Variants in CCDC154 observed in about 807,000 individuals in gnomAD.
CCDC154 encodes the protein coiled-coil domain containing 154, also known as coiled-coil domain-containing protein 154.
Under a neutral mutation model 87.5 loss-of-function variants are expected in CCDC154, and 91 were observed. That is an observed-to-expected ratio of 1.04 (90% CI 0.88 to 1.24). The LOEUF (loss-of-function observed/expected upper bound fraction) is 1.24, where lower values mean the gene tolerates loss of function less well. Ranked by LOEUF, CCDC154 falls within the 50% of genes most tolerant of loss-of-function variation. CCDC154 has a pLI of 0.00. For missense variants in CCDC154, 903 were observed against 879.2 expected, an observed-to-expected ratio of 1.03 and a Z score of -0.34; for synonymous variants, 418 against 400.4, an observed-to-expected ratio of 1.04 and a Z score of -0.52.
At chr16:1,438,463 G>A (rs981319810) in intron 9 of CCDC154, 156 bp downstream of exon 9, 7 of 769,276 alleles carry the variant, frequency 9.1e-6, no homozygotes, top group Non-Finnish European at 1.5e-5. Context: ...CAGGAGGGAG[G>A]AGGGTTCGCA....
At chr16:1,436,175 C>T (rs2038500105) in intron 13 of CCDC154, 89 bp from the exon 14 acceptor site, 8 of 1,164,634 alleles carry the variant, frequency 6.9e-6, no homozygotes, top group Non-Finnish European at 9.8e-6. Flanking sequence ...ACAGCCACCA[C>T]AGGGTTAAGG....
chr16:1,436,777 G>A lies in CCDC154; in HGVS notation c.1325C>T (p.Ser442Phe), dbSNP rs1567257170. Residue 442 changes from serine to phenylalanine, a missense_variant, in exon 12 of 17, where the codon TCC becomes TTC. Coordinates refer to ENST00000389176, the MANE Select transcript of CCDC154 (RefSeq NM_001143980.3). ...KTEWEGAERK[S>F]LEDLARWRKE... Reference sequence around the variant, plus strand: ...CCGCCACCTGGCCAGGTCCTCCAGGGACTTCCTCTCTGCACCTTCCCATTC... The same window carrying A: ...CCGCCACCTGGCCAGGTCCTCCAGGAACTTCCTCTCTGCACCTTCCCATTC... The A allele has an allele frequency of 2.6e-6, 4 of 1,550,576 alleles. No individual in the cohort carries two copies. The highest frequency in any genetic ancestry group is 2.0e-5 in the Admixed American group (1 of 51,004).
Position 1,435,172 on chromosome 16 carries a change from G to T in CCDC154, c.1609C>A (p.Gln537Lys), listed in dbSNP as rs1406017741. 1 of 1,550,518 alleles carries T rather than the reference G, an allele frequency of 6.4e-7. No homozygotes were observed. Among genetic ancestry groups the T allele is most frequent in the African/African-American group, 1.4e-5 (1 of 73,178 alleles). Reference protein sequence around the residue: ...AEMQGKLATFQNQIMKLENCV... With the variant: ...AEMQGKLATFKNQIMKLENCV... ...TTTTCCAGCTTCATTATTTGGTTCT[G>T]AAACTAAACATGGCCCCCATTTGGG... The change falls in exon 15 of 17, where the codon CAG becomes AAG. Residue 537 changes from glutamine (Q) to lysine (K), a missense_variant. Gln to Lys is a moderately conservative substitution (Grantham distance 53). Coordinates refer to ENST00000389176, the MANE Select transcript of CCDC154 (RefSeq NM_001143980.3).
chr16:1,436,892 G>C, intron 11 of CCDC154, 81 bp from the exon 12 acceptor site: 1 of 1,515,008 alleles, frequency 6.6e-7, no homozygotes, highest in African/African-American at 1.4e-5. Flanking sequence ...GGGAGCTCTG[G>C]GGAGCAGGCG....
Position 1,438,750 on chromosome 16 carries a change from G to A in CCDC154, c.907-13C>T, listed in dbSNP as rs2038524504. The A allele has an allele frequency of 6.5e-7, 1 of 1,548,756 alleles. No homozygotes were observed. Among genetic ancestry groups the A allele is most frequent in the East Asian group, 2.4e-5 (1 of 40,886 alleles). ...GGAGGTGGCTCTCCTGCCAGGGGGT[G>A]GAGGCCGCCCTGAGACCTGCACCCC... On this transcript the variant is annotated splice_polypyrimidine_tract_variant and intron_variant, in intron 8 of 16. Transcript: ENST00000389176.
At chr16:1,435,901 C>A (rs570843850) in intron 14 of CCDC154, 68 bp downstream of exon 14, 33 of 1,345,106 alleles carry the variant, frequency 2.5e-5, no homozygotes, top group Non-Finnish European at 3.4e-5. Context: ...CCTCTCCGCA[C>A]GGCTGCCCCG....
In CCDC154 at chr16:1,438,772, C is replaced by A. The variant is rs1036928502; in HGVS notation, c.907-35G>T. The A allele has an allele frequency of 5.8e-6, 9 of 1,542,728 alleles. No individual in the cohort carries two copies. In the African/African-American group the frequency reaches 1.1e-4, roughly 19 times the overall value. ...GGTGGAGGCCGCCCTGAGACCTGCA[C>A]CCCGGCCCCGGCCCCACCTGCCCGC... On this transcript the variant is annotated intron_variant, in intron 8 of 16. Transcript: ENST00000389176.
intron 11 of CCDC154, chr16:1,437,174 A>C: frequency 3.2e-6 from 1 of 307,718 alleles, no homozygotes; most frequent in Non-Finnish European, 6.2e-6. Flanking sequence ...CGCCTACGCA[A>C]TGCACGTTAC....
chr16:1,434,475 AC>A lies in CCDC154; in HGVS notation c.1936del (p.Val646SerfsTer?). The A allele has an allele frequency of 6.5e-7, 1 of 1,549,854 alleles. No individual in the cohort carries two copies. The highest frequency in any genetic ancestry group is 8.7e-7 in the Non-Finnish European group (1 of 1,146,762). On this transcript the variant is annotated frameshift_variant, in exon 17 of 17. Coordinates refer to ENST00000389176, the MANE Select transcript of CCDC154 (RefSeq NM_001143980.3). LOFTEE classifies it low-confidence loss of function (END_TRUNC). Reference sequence around the variant, plus strand: ...CTCCTGGCTGTGGGGCTTCTCCAGGACCCCTCCTGGCCTCCGCAGGGCCCTG... The same window carrying A: ...CTCCTGGCTGTGGGGCTTCTCCAGGACCCTCCTGGCCTCCGCAGGGCCCTG... ...KLRALRRPGGVLEKPHSQEQV... is the reference protein window; with the variant it reads ...KLRALRRPGGXLEKPHSQEQV...
At position 1,436,767 on chromosome 16, in the gene CCDC154, G is replaced by T; in HGVS notation, c.1335C>A (p.Asp445Glu). 1 of 1,550,558 alleles carries T rather than the reference G, an allele frequency of 6.4e-7. No homozygotes were observed. Among genetic ancestry groups the T allele is most frequent in the Non-Finnish European group, 8.7e-7 (1 of 1,146,962 alleles). The change falls in exon 12 of 17, where the codon GAC becomes GAA. Residue 445 changes from aspartate to glutamate, a missense_variant. Transcript: ENST00000389176. Reference sequence around the variant, plus strand: ...TCACCTCCTTCCGCCACCTGGCCAGGTCCTCCAGGGACTTCCTCTCTGCAC... The same window carrying T: ...TCACCTCCTTCCGCCACCTGGCCAGTTCCTCCAGGGACTTCCTCTCTGCAC... Reference protein sequence around the residue: ...WEGAERKSLEDLARWRKEVTE... With the variant: ...WEGAERKSLEELARWRKEVTE...
At chr16:1,439,636 A>G (rs2038533988) in intron 6 of CCDC154, among the ~76,000 whole-genome samples, 1 of 152,138 alleles carries the variant, frequency 6.6e-6, no homozygotes, top group Non-Finnish European at 1.5e-5. Context: ...TTCATCAGCC[A>G]CGGAGAGGCG....
Position 1,441,081 on chromosome 16 carries a change from C to T in CCDC154, c.675+1325G>A, listed in dbSNP as rs138636483. The stretch of plus-strand genomic sequence containing the variant: ...CTGCAGTGAGCTGTGATGGCACCAC[C>T]ACGCTCCAGCCTGAACAACCAGGCA... On this transcript the variant is annotated intron_variant, in intron 6 of 16. Coordinates refer to ENST00000389176, the MANE Select transcript of CCDC154 (RefSeq NM_001143980.3). Among the ~76,000 whole-genome samples, 22 of 152,300 alleles carry T rather than the reference C, an allele frequency of 1.4e-4. No individual in the cohort carries two copies. The East Asian group carries it at 4.2e-3, about 29-fold the overall frequency.
In CCDC154 at chr16:1,436,739, C is replaced by T. The variant is rs538546813; in HGVS notation, c.1363G>A (p.Glu455Lys). 535 of 1,550,432 alleles carry T rather than the reference C, an allele frequency of 3.5e-4. 16 individuals carry two copies. The South Asian group carries it at 4.9e-3, about 14-fold the overall frequency. The change falls in exon 12 of 17, where the codon GAA becomes AAA. Residue 455 changes from glutamate to lysine, a missense_variant. Transcript: ENST00000389176. ...DLARWRKEVTEHLRGVREKVD... is the reference protein window; with the variant it reads ...DLARWRKEVTKHLRGVREKVD... ...TTCTCCCGCACCCCTCGCAGGTGTT[C>T]GGTCACCTCCTTCCGCCACCTGGCC...
intron 6 of CCDC154, among the ~76,000 whole-genome samples, chr16:1,439,573 G>A (rs987479448): frequency 3.9e-5 from 6 of 152,188 alleles, no homozygotes; most frequent in Admixed American, 6.5e-5. Flanking sequence ...AGGCGCAGCC[G>A]GCCCCATCCC....
chr16:1,434,969 C>A, intron 15 of CCDC154, 117 bp from the exon 16 acceptor site: 1 of 1,407,896 alleles, frequency 7.1e-7, no homozygotes. Context: ...GGAAACCCTG[C>A]CCATGGCCAG....
chr16:1,443,110 C>A (rs2038570142), intron 4 of CCDC154, 135 bp from the exon 5 acceptor site: 4 of 1,364,724 alleles, frequency 2.9e-6, no homozygotes, highest in Admixed American at 2.2e-5. Context: ...CAGGCACGTA[C>A]AAACCCGGCC....
intron 2 of CCDC154, 41 bp from the exon 3 acceptor site, chr16:1,443,736 G>A (rs1393189578): frequency 1.9e-5 from 25 of 1,302,714 alleles, no homozygotes; most frequent in Non-Finnish European, 2.3e-5. Context: ...GGTGCCCGCC[G>A]TGGAGGCGGA....
In CCDC154 at chr16:1,443,682, G is replaced by GC. The variant is rs1471136591; in HGVS notation, c.237dup (p.Gln80AlafsTer15). 5 of 1,291,944 alleles carry GC rather than the reference G, an allele frequency of 3.9e-6. No homozygotes were observed. The allele number at this position is 1,291,944 out of a possible 1,614,324, so 80.0% of individuals were successfully genotyped here. ...TCCCGCAGGCAGGCCACCTCGGCCT[G>GC]CAGCTCCACCACCCTGGCCGGGGCG... On this transcript the variant is annotated frameshift_variant, in exon 3 of 17. Coordinates refer to ENST00000389176, the MANE Select transcript of CCDC154 (RefSeq NM_001143980.3). LOFTEE classifies it high-confidence loss of function.
At chr16:1,436,667 C>T (rs964628949) in intron 12 of CCDC154, 25 bp downstream of exon 12, 6 of 1,549,216 alleles carry the variant, frequency 3.9e-6, no homozygotes, top group Non-Finnish European at 4.4e-6. Context: ...CCAAGTACAC[C>T]AAGGCTGGCT....
Sources: allele counts gnomAD v4.1 joint callset (sites outside exome capture counted in the v4.1 genomes callset), GRCh38; gene constraint gnomAD v4.1.1; transcripts MANE v1.5; gene names NCBI Gene and HGNC (gene_info 2026-07-23, HGNC 2026-07-21).